HMCN1: variants seen among roughly 807,000 people sequenced by gnomAD.
HMCN1 encodes the protein hemicentin-1.
HMCN1 carries 321 observed loss-of-function variants against 625.9 expected under a neutral mutation model. The observed-to-expected ratio is 0.51, with a 90% CI of 0.47 to 0.56. The LOEUF (loss-of-function observed/expected upper bound fraction) is 0.56. HMCN1 is among the 20% of genes least tolerant of loss of function. HMCN1 has a pLI of 0.00. For missense variants in HMCN1, 6,588 were observed against 6,887.3 expected (o/e 0.96, Z 1.54); for synonymous variants, 2,425 against 2,417.6 (o/e 1.00, Z -0.09).
intron 86 of HMCN1, among the ~76,000 whole-genome samples, chr1:186,133,291 C>T (rs1372874641): frequency 6.6e-6 from 1 of 152,076 alleles, no homozygotes; most frequent in African/African-American, 2.4e-5. Context: ...AAAAAGATTG[C>T]CATTTATGGC....
intron 2 of HMCN1, among the ~76,000 whole-genome samples, chr1:185,861,528 T>A (rs986722606): frequency 6.6e-6 from 1 of 152,198 alleles, no homozygotes; most frequent in Non-Finnish European, 1.5e-5. Flanking sequence ...ACAATAGGAA[T>A]TTAAATTTTT....
At chr1:185,754,745 G>A (rs2102103782) in intron 1 of HMCN1, among the ~76,000 whole-genome samples, 1 of 152,262 alleles carries the variant, frequency 6.6e-6, no homozygotes, top group Non-Finnish European at 1.5e-5. Context: ...CTACTTGGGA[G>A]GCTGAGGCAG....
intron 17 of HMCN1, among the ~76,000 whole-genome samples, chr1:185,981,796 A>T (rs1651658984): frequency 6.6e-6 from 1 of 152,116 alleles, no homozygotes; most frequent in East Asian, 1.9e-4. Context: ...TTACCATTCC[A>T]TCTAAGAGAG....
intron 30 of HMCN1, among the ~76,000 whole-genome samples, chr1:186,010,458 A>G (rs944134767): frequency 1.1e-4 from 17 of 152,160 alleles, no homozygotes; most frequent in African/African-American, 3.6e-4. Flanking sequence ...TCATTTTCGT[A>G]AATACAAACT....
chr1:185,984,195 G>A lies in HMCN1; in HGVS notation c.2817G>A (p.Val939=). ...TGCTCCAAAATCCTTACATCACTGT[G>A]CGCAGTGATGGGAGCCTCCATATTG... is the stretch of plus-strand genomic sequence containing the variant. ...AMLLQNPYIT[V]RSDGSLHIER... is the part of the protein sequence containing the mutation. The change falls in exon 19 of 107, where the codon GTG becomes GTA. Residue 939 remains valine, a synonymous_variant. Coordinates refer to ENST00000271588, the MANE Select transcript of HMCN1 (RefSeq NM_031935.3). 6.2e-7 allele frequency: 1 copy of A among 1,613,022 alleles called. No homozygotes were observed. Among genetic ancestry groups the A allele is most frequent in the Non-Finnish European group, 8.5e-7 (1 of 1,179,444 alleles).
chr1:185,744,577 C>G (rs1023689459), intron 1 of HMCN1, among the ~76,000 whole-genome samples: 1 of 152,136 alleles, frequency 6.6e-6, no homozygotes, highest in Non-Finnish European at 1.5e-5. Flanking sequence ...GCTCTTGATT[C>G]AAGTCTGTGA....
intron 14 of HMCN1, among the ~76,000 whole-genome samples, chr1:185,966,245 G>C (rs1006072726): frequency 6.6e-6 from 1 of 152,126 alleles, no homozygotes; most frequent in Non-Finnish European, 1.5e-5. Context: ...GCTGATTTTA[G>C]TTCACTTTTC....
intron 1 of HMCN1, among the ~76,000 whole-genome samples, chr1:185,776,625 A>C (rs1320471336): frequency 1.3e-5 from 2 of 152,148 alleles, no homozygotes; most frequent in Non-Finnish European, 2.9e-5. Flanking sequence ...CTGGGGATGA[A>C]TTGTTTTGAA....
intron 1 of HMCN1, among the ~76,000 whole-genome samples, chr1:185,759,524 AT>A (rs967149490): frequency 1.3e-5 from 2 of 152,098 alleles, no homozygotes; most frequent in African/African-American, 4.8e-5. Context: ...CGATGGCACC[AT>A]TTTTTTTAAG....
chr1:185,766,658 G>A (rs1388411643), intron 1 of HMCN1, among the ~76,000 whole-genome samples: 1 of 152,144 alleles, frequency 6.6e-6, no homozygotes, highest in African/African-American at 2.4e-5. Context: ...AGAGCTAGGT[G>A]TGAATTTAGT....
intron 1 of HMCN1, among the ~76,000 whole-genome samples, chr1:185,774,615 C>T (rs1017067215): frequency 6.6e-6 from 1 of 151,990 alleles, no homozygotes; most frequent in Non-Finnish European, 1.5e-5. Flanking sequence ...TGTGATGGAT[C>T]AAATTAGCAT....
At position 186,081,308 on chromosome 1, in the gene HMCN1, G is replaced by A. The variant is rs2102380292; in HGVS notation, c.8701G>A (p.Ala2901Thr). ...LIECLSSGSP[A>T]PRNSWQKDGQ... Reference sequence around the variant, plus strand: ...AGAGTGTTTATCCAGTGGCAGCCCAGCACCAAGGAATTCCTGGCAGAAAGA... The same window carrying A: ...AGAGTGTTTATCCAGTGGCAGCCCAACACCAAGGAATTCCTGGCAGAAAGA... The change falls in exon 56 of 107, where the codon GCA (alanine) becomes ACA (threonine). Residue 2901 changes from alanine (A) to threonine (T), a missense_variant. Physicochemically the swap from Ala to Thr is moderately conservative, Grantham distance 58. Coordinates refer to ENST00000271588, the MANE Select transcript of HMCN1 (RefSeq NM_031935.3). The A allele has an allele frequency of 1.2e-6, 2 of 1,613,666 alleles. No individual in the cohort carries two copies. Among genetic ancestry groups the A allele is most frequent in the Non-Finnish European group, 1.7e-6 (2 of 1,179,692 alleles).
At chr1:186,166,349 T>A (rs1315917801) in intron 99 of HMCN1, 46 bp downstream of exon 99, 5 of 1,610,226 alleles carry the variant, frequency 3.1e-6, no homozygotes, top group Non-Finnish European at 4.2e-6. Flanking sequence ...GGTCAAGGAT[T>A]TCTTTGACCT....
chr1:186,004,918 C>T (rs1312414985), intron 29 of HMCN1, among the ~76,000 whole-genome samples: 3 of 152,018 alleles, frequency 2.0e-5, no homozygotes, highest in Non-Finnish European at 1.5e-5. Context: ...GAACACTGCT[C>T]ACCAATTAAA....
Position 185,864,480 on chromosome 1 carries a change from A to G in HMCN1, c.350A>G (p.Asp117Gly). Reference sequence around the variant, plus strand: ...CTCTCCACTCAACAGGGTGGTGGTGATTGCCCAGAAATGAGTATTGGAGCT... The same window carrying G: ...CTCTCCACTCAACAGGGTGGTGGTGGTTGCCCAGAAATGAGTATTGGAGCT... ...LRELYVQGGGDCPEMSIGAIK... is the reference protein window; with the variant it reads ...LRELYVQGGGGCPEMSIGAIK... Residue 117 changes from aspartate to glycine, a missense_variant, in exon 3 of 107, where the codon GAT (aspartate) becomes GGT (glycine). By Grantham distance (94) the Asp-to-Gly change is moderately conservative. Coordinates refer to ENST00000271588, the MANE Select transcript of HMCN1 (RefSeq NM_031935.3). 1 of 1,613,982 alleles carries G rather than the reference A, an allele frequency of 6.2e-7. No homozygotes were observed. Among genetic ancestry groups the G allele is most frequent in the Non-Finnish European group, 8.5e-7 (1 of 1,179,934 alleles).
At chr1:185,870,853 C>T (rs1394789915) in intron 4 of HMCN1, among the ~76,000 whole-genome samples, 1 of 152,184 alleles carries the variant, frequency 6.6e-6, no homozygotes, top group Non-Finnish European at 1.5e-5. Context: ...GGAATATGTG[C>T]CCAACCCCTT....
chr1:185,939,546 T>C (rs1299931124), intron 11 of HMCN1, among the ~76,000 whole-genome samples: 1 of 152,228 alleles, frequency 6.6e-6, no homozygotes, highest in Non-Finnish European at 1.5e-5. Flanking sequence ...TTTTTTAAGA[T>C]CAAATTCAGG....
At chr1:186,053,170 C>T in intron 43 of HMCN1, 96 bp downstream of exon 43, 2 of 1,227,392 alleles carry the variant, frequency 1.6e-6, no homozygotes, top group Non-Finnish European at 2.4e-6. Flanking sequence ...ACAAATTTTC[C>T]TGGGGTTTGC....
intron 4 of HMCN1, among the ~76,000 whole-genome samples, chr1:185,907,744 G>C (rs954682205): frequency 6.6e-6 from 1 of 151,964 alleles, no homozygotes. Context: ...GAATTTAGCT[G>C]GGGAGGGAGA....
Sources: allele counts gnomAD v4.1 joint callset (sites outside exome capture counted in the v4.1 genomes callset), GRCh38; gene constraint gnomAD v4.1.1; transcripts MANE v1.5; gene names NCBI Gene and HGNC (gene_info 2026-07-23, HGNC 2026-07-21).